Variants in ARHGAP32 observed in about 807,000 individuals in gnomAD.
ARHGAP32 encodes the protein Rho GTPase activating protein 32.
In ARHGAP32, 51 loss-of-function variants were observed where a neutral mutation model predicts 186.5. That is an observed-to-expected ratio of 0.27 (90% CI 0.22 to 0.35). The LOEUF (loss-of-function observed/expected upper bound fraction) is 0.35, where lower values mean the gene tolerates loss of function less well. ARHGAP32 is among the 10% of genes least tolerant of loss of function. ARHGAP32 has a pLI of 1.00. For missense variants in ARHGAP32, 2,186 were observed against 2,623.5 expected (o/e 0.83, Z 3.64); for synonymous variants, 950 against 964.3 (o/e 0.99, Z 0.27).
chr11:129,278,290 C>T (rs1402659007), intron 1 of ARHGAP32, among the ~76,000 whole-genome samples: 6 of 152,198 alleles, frequency 3.9e-5, no homozygotes, highest in African/African-American at 1.4e-4. Context: ...CAGATTGTAA[C>T]TCTGCATTCA....
Position 129,158,926 on chromosome 11 carries a change from T to C in ARHGAP32, c.225+5393A>G, listed in dbSNP as rs187440150. On this transcript the variant is annotated intron_variant, in intron 2 of 22. Coordinates refer to ENST00000682385, the MANE Select transcript of ARHGAP32 (RefSeq NM_001378024.1). ...ACTCACTCAAAACCGCACAACTACA[T>C]GGAAACTGAACAATCTGCACCTGAA... Among the ~76,000 whole-genome samples the C allele has an allele frequency of 9.1e-4, 139 of 152,248 alleles. 4 individuals carry two copies. In the South Asian group the frequency reaches 0.012, roughly 13 times the overall value.
chr11:129,162,330 T>C (rs1372004156), intron 2 of ARHGAP32, among the ~76,000 whole-genome samples: 1 of 152,134 alleles, frequency 6.6e-6, no homozygotes, highest in Non-Finnish European at 1.5e-5. Flanking sequence ...CACATAATAA[T>C]ATTTTTAAAA....
chr11:129,252,073 CAATT>C (rs1340856904), intron 1 of ARHGAP32, among the ~76,000 whole-genome samples: 1 of 151,792 alleles, frequency 6.6e-6, no homozygotes, highest in Non-Finnish European at 1.5e-5. Context: ...ATTTAAATAT[CAATT>C]ATTAAAAGTA....
intron 10 of ARHGAP32, among the ~76,000 whole-genome samples, chr11:129,041,642 C>G (rs1939597469): frequency 6.6e-6 from 1 of 152,186 alleles, no homozygotes; most frequent in Admixed American, 6.5e-5. Context: ...GCAGTGTCAA[C>G]AGACTCTGGC....
intron 1 of ARHGAP32, among the ~76,000 whole-genome samples, chr11:129,167,603 A>T (rs1481532350): frequency 6.6e-6 from 1 of 152,224 alleles, no homozygotes; most frequent in African/African-American, 2.4e-5. Flanking sequence ...TGCTAAATAA[A>T]ATAAGTCAGA....
chr11:129,064,252 T>A (rs1214749923), intron 8 of ARHGAP32, among the ~76,000 whole-genome samples: 2 of 151,982 alleles, frequency 1.3e-5, no homozygotes, highest in Non-Finnish European at 2.9e-5. Flanking sequence ...ATACTTATCA[T>A]CATTTAAAGG....
chr11:129,058,225 T>A (rs776837281), intron 10 of ARHGAP32, among the ~76,000 whole-genome samples: 51 of 127,682 alleles, frequency 4.0e-4, no homozygotes, highest in South Asian at 1.6e-3. Context: ...ACACACACTC[T>A]CTCTCTCTCT....
intron 3 of ARHGAP32, among the ~76,000 whole-genome samples, chr11:129,124,165 C>A (rs576581076): frequency 1.3e-5 from 2 of 152,088 alleles, no homozygotes; most frequent in East Asian, 3.9e-4. Flanking sequence ...GGGCTGGGAC[C>A]CAAGTCTAAA....
intron 1 of ARHGAP32, chr11:129,202,840 G>A (rs1242986674): frequency 6.6e-6 from 1 of 152,070 alleles, no homozygotes; most frequent in Non-Finnish European, 1.5e-5. Flanking sequence ...AGCCAACTCA[G>A]AAATACTTTG....
At chr11:129,002,962 C>T (rs1444020154) in intron 11 of ARHGAP32, among the ~76,000 whole-genome samples, 1 of 150,882 alleles carries the variant, frequency 6.6e-6, no homozygotes, top group Admixed American at 6.6e-5. Context: ...GCACCCGCCA[C>T]TACGCCCGGC....
Position 129,062,379 on chromosome 11 carries a change from G to C in ARHGAP32, c.886-22C>G, listed in dbSNP as rs755551499. On this transcript the variant is annotated intron_variant, in intron 9 of 22. Transcript: ENST00000682385. ...CCACCTAGGAGAATCAAAATTTTAAGCAAAATGGTTTTAGTTAAATTTTAA... is the reference window on the plus strand; with the variant it reads ...CCACCTAGGAGAATCAAAATTTTAACCAAAATGGTTTTAGTTAAATTTTAA... 5 of 1,598,674 alleles carry C rather than the reference G, an allele frequency of 3.1e-6. No homozygotes were observed. The Admixed American group carries it at 8.4e-5, about 27-fold the overall frequency.
At chr11:128,985,858 G>GTGTATATATATATATATA (rs760311247) in intron 15 of ARHGAP32, 145 bp downstream of exon 15, 9 of 95,316 alleles carry the variant, frequency 9.4e-5, no homozygotes, top group African/African-American at 4.1e-4. Context: ...GTGTGTGTGT[G>GTGTATATATATATATATA]TATATATATA....
intron 1 of ARHGAP32, among the ~76,000 whole-genome samples, chr11:129,256,090 T>C (rs1483015254): frequency 1.3e-5 from 2 of 152,054 alleles, no homozygotes; most frequent in South Asian, 2.1e-4. Flanking sequence ...CAAAAGAATA[T>C]GTTCTGCGCA....
chr11:129,121,001 T>C (rs1346503970), intron 5 of ARHGAP32, among the ~76,000 whole-genome samples: 2 of 152,078 alleles, frequency 1.3e-5, no homozygotes, highest in Non-Finnish European at 2.9e-5. Context: ...CAACCTTATA[T>C]TGAAAATAAA....
At chr11:129,162,765 T>C (rs1565450799) in intron 2 of ARHGAP32, among the ~76,000 whole-genome samples, 1 of 152,178 alleles carries the variant, frequency 6.6e-6, no homozygotes, top group Non-Finnish European at 1.5e-5. Flanking sequence ...AGAGAAAACA[T>C]AGCTTATATA....
chr11:129,167,109 G>A (rs1943656100), intron 1 of ARHGAP32, among the ~76,000 whole-genome samples: 1 of 152,074 alleles, frequency 6.6e-6, no homozygotes, highest in Non-Finnish European at 1.5e-5. Context: ...TAATCTAAGA[G>A]AAGGCAGGAA....
chr11:129,180,886 G>A (rs939794467), intron 1 of ARHGAP32, among the ~76,000 whole-genome samples: 1 of 152,096 alleles, frequency 6.6e-6, no homozygotes, highest in Non-Finnish European at 1.5e-5. Flanking sequence ...TCATCTTGCT[G>A]TTTCCCTCAC....
chr11:129,164,481 C>T, intron 1 of ARHGAP32, 54 bp from the exon 2 acceptor site: 1 of 1,043,156 alleles, frequency 9.6e-7, no homozygotes, highest in South Asian at 1.5e-5. Context: ...CTATGAAAGC[C>T]TTCCAATGAT....
intron 1 of ARHGAP32, among the ~76,000 whole-genome samples, chr11:129,201,948 A>G (rs1267626986): frequency 6.6e-6 from 1 of 151,822 alleles, no homozygotes; most frequent in Non-Finnish European, 1.5e-5. Flanking sequence ...ATGCCACTGC[A>G]CTCCAGCCTG....
Sources: gnomAD v4.1 joint callset for allele counts (sites outside exome capture counted in the v4.1 genomes callset) on GRCh38, gnomAD v4.1.1 for gene constraint, MANE v1.5 for transcripts, NCBI Gene and HGNC (gene_info 2026-07-23, HGNC 2026-07-21) for gene names.